NDST2: variants seen among roughly 807,000 people sequenced by gnomAD.
NDST2 encodes the protein bifunctional heparan sulfate N-deacetylase/N-sulfotransferase 2.
A neutral mutation model predicts 86.9 loss-of-function variants in NDST2; 32 were observed. The ratio of observed to expected loss-of-function variants is 0.37; its 90% confidence interval spans 0.28 to 0.49. The LOEUF is 0.49. Ranked by LOEUF, NDST2 falls within the 20% of genes least tolerant of loss-of-function variation. NDST2 has a pLI of 0.97. For missense variants in NDST2, 950 were observed against 1,146.9 expected (o/e 0.83, Z 2.48); for synonymous variants, 409 against 437.0 (o/e 0.94, Z 0.80).
chr10:73,811,789 A>T (rs1258176864), upstream of NDST2: 1 of 152,032 alleles, frequency 6.6e-6, no homozygotes. Flanking sequence ...CGCCCGCGGA[A>T]GCGCACCCCC....
chr10:73,803,491 C>A, intron 11 of NDST2, 83 bp downstream of exon 11: 1 of 1,479,078 alleles, frequency 6.8e-7, no homozygotes, highest in Non-Finnish European at 9.4e-7. Context: ...TCAAACCTCA[C>A]TCCTTTCTCC....
Position 73,806,163 on chromosome 10 carries a change from C to T in NDST2, c.1434+126G>A. ...TACTGAGGGTGTTAAAATTTTTTCA[C>T]CTTTCTACCCCCAATTATGTACCCC... On this transcript the variant is annotated intron_variant, in intron 6 of 14. Coordinates refer to ENST00000309979, the MANE Select transcript of NDST2 (RefSeq NM_003635.4). This position sits in a 1 kb window ranked among gnomAD's most constrained non-coding sequence, Gnocchi z 4.5. The T allele has an allele frequency of 6.5e-7, 1 of 1,527,582 alleles. No individual in the cohort carries two copies. Among genetic ancestry groups the T allele is most frequent in the South Asian group, 1.2e-5 (1 of 84,132 alleles). 94.6% of individuals were successfully genotyped at this position (1,527,582 alleles called of 1,614,324 possible). A position where few individuals can be genotyped will look rare whatever the true frequency, so the allele number is the denominator to read the frequency against.
rs1167115191 is a variant in NDST2, at chr10:73,802,047, C to T, written c.*404G>A. The T allele has an allele frequency of 2.8e-6, 1 of 357,988 alleles. No homozygotes were observed. The highest frequency in any genetic ancestry group is 5.2e-6 in the Non-Finnish European group (1 of 191,112). The allele number at this position is 357,988 out of a possible 1,614,324, so 22.2% of individuals were successfully genotyped here. On this transcript the variant is annotated 3_prime_UTR_variant, in exon 15 of 15. Transcript: ENST00000309979. Reference sequence around the variant, plus strand: ...TAGGGAGGCCGGGCCACAGGTAGATCCCACTGCCTGGCTAAAGGGGCCATA... The same window carrying T: ...TAGGGAGGCCGGGCCACAGGTAGATTCCACTGCCTGGCTAAAGGGGCCATA...
chr10:73,811,322 G>A (rs774390370), intron 1 of NDST2, among the ~76,000 whole-genome samples, 152 bp downstream of exon 1: 2 of 152,094 alleles, frequency 1.3e-5, no homozygotes, highest in African/African-American at 2.4e-5. Flanking sequence ...AGGCGGTTCT[G>A]AGGGAGGCCG....
chr10:73,804,969 C>T (rs1461352076), intron 8 of NDST2, 100 bp from the exon 9 acceptor site: 10 of 599,474 alleles, frequency 1.7e-5, no homozygotes, highest in East Asian at 3.3e-5. Context: ...TGCATGATCT[C>T]GGCTCACTGC....
chr10:73,802,363 G>C lies in NDST2; in HGVS notation c.*88C>G. 6.6e-7 allele frequency: 1 copy of C among 1,513,988 alleles called. No homozygotes were observed. The highest frequency in any genetic ancestry group is 9.0e-7 in the Non-Finnish European group (1 of 1,106,236). 93.8% of individuals were successfully genotyped at this position (1,513,988 alleles called of 1,614,324 possible). A position where few individuals can be genotyped will look rare whatever the true frequency, so the allele number is the denominator to read the frequency against. ...TACTGAGGTAGAGGGGGAGGGGCCA[G>C]GCCACTCTAATCCCCCTTGTGGGCC... On this transcript the variant is annotated 3_prime_UTR_variant, in exon 15 of 15. Coordinates refer to ENST00000309979, the MANE Select transcript of NDST2 (RefSeq NM_003635.4).
intron 14 of NDST2, 33 bp from the exon 15 acceptor site, chr10:73,802,609 G>C: frequency 6.2e-7 from 1 of 1,614,206 alleles, no homozygotes; most frequent in Non-Finnish European, 8.5e-7. Context: ...GAAATGGTAA[G>C]AAGTGGGACA....
intron 8 of NDST2, 47 bp downstream of exon 8, chr10:73,805,540 C>T: frequency 6.3e-7 from 1 of 1,580,220 alleles, no homozygotes; most frequent in Non-Finnish European, 8.7e-7. Context: ...CAACAAAAAA[C>T]ACCCCACCCC....
rs535935862 is a variant in NDST2, at chr10:73,805,958, C to T, written c.1505G>A (p.Arg502His). 1.3e-5 allele frequency: 21 copies of T among 1,614,184 alleles called. No homozygotes were observed. The South Asian group carries it at 1.5e-4, about 12-fold the overall frequency. The change falls in exon 7 of 15, where the codon CGT becomes CAT. Residue 502 changes from arginine (R) to histidine (H), a missense_variant. This residue lies in a region of NDST2 where 586 missense variants were observed against 714.0 expected (regional missense o/e 0.82). Coordinates refer to ENST00000309979, the MANE Select transcript of NDST2 (RefSeq NM_003635.4). ...IFYNEYPGGSRELDRSIRGGE... is the reference protein window; with the variant it reads ...IFYNEYPGGSHELDRSIRGGE... ...ACCTCGGATGCTCCGGTCTAGTTCA[C>T]GAGAGCCTCCAGGATACTCATTATA... is the stretch of plus-strand genomic sequence containing the variant.
chr10:73,804,335 TTC>T (rs1491466546), intron 9 of NDST2, among the ~76,000 whole-genome samples: 2 of 152,202 alleles, frequency 1.3e-5, no homozygotes, highest in African/African-American at 4.8e-5. Flanking sequence ...GTTCCTTTTT[TTC>T]TCTCTTAAAA....
intron 2 of NDST2, chr10:73,810,557 G>A (rs1473848246): frequency 5.7e-6 from 2 of 347,894 alleles, no homozygotes; most frequent in South Asian, 1.5e-4. Flanking sequence ...AAATGGTGAC[G>A]GGAAGGGGTG....
Position 73,808,126 on chromosome 10 carries a change from A to G in NDST2, c.263T>C (p.Leu88Pro). ...TGAGTATGCACTCTCCACAAACACA[A>G]GGACCACGGGTTCAGTTCGAGCTGT... ...PETARTEPVVLVFVESAYSQL... is the reference protein window; with the variant it reads ...PETARTEPVVPVFVESAYSQL... Residue 88 changes from leucine (L) to proline (P), a missense_variant, in exon 3 of 15, where the codon CTT (leucine) becomes CCT (proline). Leu to Pro is a moderately conservative substitution (Grantham distance 98). This residue lies in a region of NDST2 where 586 missense variants were observed against 714.0 expected (regional missense o/e 0.82). Transcript: ENST00000309979. The surrounding 1 kb of genome is among the most constrained non-coding windows in gnomAD (Gnocchi z 4.3). The G allele has an allele frequency of 1.2e-6, 2 of 1,614,226 alleles. No individual in the cohort carries two copies. Among genetic ancestry groups the G allele is most frequent in the Non-Finnish European group, 1.7e-6 (2 of 1,180,042 alleles).
chr10:73,805,207 A>C (rs377300264), intron 8 of NDST2, among the ~76,000 whole-genome samples: 34 of 151,658 alleles, frequency 2.2e-4, no homozygotes, highest in African/African-American at 7.5e-4. Context: ...GGCCTGGCCT[A>C]GTCTTCTCTT....
At position 73,805,636 on chromosome 10, in the gene NDST2, G is replaced by GC; in HGVS notation, c.1696dup (p.Ala566GlyfsTer6). ...AGGGAAAAGTTCAAAGTACTTCTGT[G>GC]CAAGTGGGACAGGAGGAAGGGTCTG... On this transcript the variant is annotated frameshift_variant, in exon 8 of 15. Transcript: ENST00000309979. LOFTEE classifies it high-confidence loss of function. 1 of 1,614,208 alleles carries GC rather than the reference G, an allele frequency of 6.2e-7. No individual in the cohort carries two copies. Among genetic ancestry groups the GC allele is most frequent in the Non-Finnish European group, 8.5e-7 (1 of 1,180,044 alleles).
rs2084125977 is a variant in NDST2, at chr10:73,807,596, C to T, written c.793G>A (p.Val265Met). 2 of 1,614,218 alleles carry T rather than the reference C, an allele frequency of 1.2e-6. No individual in the cohort carries two copies. Among genetic ancestry groups the T allele is most frequent in the Non-Finnish European group, 1.7e-6 (2 of 1,180,044 alleles). The change falls in exon 3 of 15, where the codon GTG (valine) becomes ATG (methionine). Residue 265 changes from valine (V) to methionine (M), a missense_variant. Coordinates refer to ENST00000309979, the MANE Select transcript of NDST2 (RefSeq NM_003635.4). ...PVLRRARLPT[V>M]VQDLGLHDGI... ...TCATGAAGCCCCAGGTCCTGTACCA[C>T]AGTGGGAAGCCGGGCCCGACGAAGA... is the stretch of plus-strand genomic sequence containing the variant.
chr10:73,803,200 G>A lies in NDST2; in HGVS notation c.2302C>T (p.Pro768Ser), dbSNP rs762174772. 8 of 1,614,094 alleles carry A rather than the reference G, an allele frequency of 5.0e-6. No individual in the cohort carries two copies. The highest frequency in any genetic ancestry group is 4.0e-5 in the African/African-American group (3 of 74,922). Residue 768 changes from proline (P) to serine (S), a missense_variant, in exon 12 of 15, where the codon CCC becomes TCC. Pro to Ser is a moderately conservative substitution (Grantham distance 74). Around this residue, in one of 5 missense-constraint regions of NDST2, gnomAD observed 303 missense variants for 323.7 expected, o/e 0.94. Transcript: ENST00000309979. ...TGTGGGGATTATACCTGTCCAGAGG[G>A]GTAGTAAGTCAGCCAGCGTTGTAGA... ...THLQRWLTYY[P>S]SGQLLIVDGQ...
Position 73,808,484 on chromosome 10 carries a change from T to C in NDST2, c.-96A>G. ...GGACTGTCTTGGAAGGGTAGAAGGA[T>C]AGGAAAATAGGGGACAGGGATTCCC... On this transcript the variant is annotated 5_prime_UTR_variant, in exon 3 of 15. Transcript: ENST00000309979. This position sits in a 1 kb window ranked among gnomAD's most constrained non-coding sequence, Gnocchi z 4.3. 3 of 1,205,968 alleles carry C rather than the reference T, an allele frequency of 2.5e-6. No individual in the cohort carries two copies. The highest frequency in any genetic ancestry group is 2.6e-5 in the East Asian group (1 of 38,928). 74.7% of individuals were successfully genotyped at this position (1,205,968 alleles called of 1,614,324 possible). A position where few individuals can be genotyped will look rare whatever the true frequency, so the allele number is the denominator to read the frequency against.
chr10:73,806,150 T>TA lies in NDST2; in HGVS notation c.1435-123dup, dbSNP rs1295814864. On this transcript the variant is annotated intron_variant, in intron 6 of 14. Transcript: ENST00000309979. The surrounding 1 kb of genome is among the most constrained non-coding windows in gnomAD (Gnocchi z 4.5). ...GCAATAAAGCTCTTACTGAGGGTGT[T>TA]AAAATTTTTTCACCTTTCTACCCCC... 1 of 1,530,696 alleles carries TA rather than the reference T, an allele frequency of 6.5e-7. No individual in the cohort carries two copies. The allele number at this position is 1,530,696 out of a possible 1,614,324, so 94.8% of individuals were successfully genotyped here. A position where few individuals can be genotyped will look rare whatever the true frequency, so the allele number is the denominator to read the frequency against.
At chr10:73,803,519 T>TGGGGGCGG in intron 11 of NDST2, 55 bp downstream of exon 11, 1 of 565,898 alleles carries the variant, frequency 1.8e-6, no homozygotes. Flanking sequence ...GCAGTCACTG[T>TGGGGGCGG]CCCCTCCCCC....
Sources: gnomAD v4.1 joint callset for allele counts (sites outside exome capture counted in the v4.1 genomes callset) on GRCh38, gnomAD v4.1.1 for gene constraint, gnomAD v4.1.1 regional missense constraint, Gnocchi (gnomAD v3.1) non-coding constraint, MANE v1.5 for transcripts, NCBI Gene and HGNC (gene_info 2026-07-23, HGNC 2026-07-21) for gene names.